The following TMEM132D variants were observed in gnomAD, a reference collection of about 807,000 sequenced individuals.
TMEM132D encodes the protein mature OL transmembrane protein.
Under a neutral mutation model 62.3 loss-of-function variants are expected in TMEM132D, and 21 were observed. That is an observed-to-expected ratio of 0.34 (90% CI 0.24 to 0.49). TMEM132D has a LOEUF of 0.49. TMEM132D is among the 20% of genes least tolerant of loss of function. The pLI is 0.99. For missense variants in TMEM132D, 1,346 were observed against 1,402.8 expected, an observed-to-expected ratio of 0.96 and a Z score of 0.65; for synonymous variants, 621 against 575.6, an observed-to-expected ratio of 1.08 and a Z score of -1.13.
chr12:129,684,524 C>T (rs1407806796), intron 2 of TMEM132D, among the ~76,000 whole-genome samples: 1 of 151,628 alleles, frequency 6.6e-6, no homozygotes, highest in African/African-American at 2.4e-5. Context: ...TGAGAATGGA[C>T]TAATAGAATA....
chr12:129,349,209 T>G (rs1052362530), intron 3 of TMEM132D, among the ~76,000 whole-genome samples: 1 of 152,186 alleles, frequency 6.6e-6, no homozygotes, highest in African/African-American at 2.4e-5. Context: ...AACCAGGCTT[T>G]GTTGCTAGAT....
At chr12:129,402,197 A>G (rs1191615650) in intron 3 of TMEM132D, among the ~76,000 whole-genome samples, 3 of 152,122 alleles carry the variant, frequency 2.0e-5, no homozygotes, top group African/African-American at 7.2e-5. Context: ...TGGCAGAGAG[A>G]AAGACGGGGA....
chr12:129,469,230 G>A (rs1030996597), intron 3 of TMEM132D, among the ~76,000 whole-genome samples: 1 of 152,124 alleles, frequency 6.6e-6, no homozygotes, highest in Non-Finnish European at 1.5e-5. Context: ...CTCACTCCTC[G>A]AATCAAGAGA....
At chr12:129,127,166 T>C (rs1876238171) in intron 5 of TMEM132D, among the ~76,000 whole-genome samples, 1 of 152,248 alleles carries the variant, frequency 6.6e-6, no homozygotes. Flanking sequence ...TGACACTACA[T>C]GTGCCAAAGC....
chr12:129,227,703 C>T (rs1879519275), intron 4 of TMEM132D, among the ~76,000 whole-genome samples: 1 of 151,882 alleles, frequency 6.6e-6, no homozygotes, highest in Admixed American at 6.6e-5. Flanking sequence ...CACCCATTAA[C>T]TCATCATTTA....
chr12:129,490,092 C>G (rs1415196294), intron 3 of TMEM132D, among the ~76,000 whole-genome samples: 1 of 152,222 alleles, frequency 6.6e-6, no homozygotes, highest in African/African-American at 2.4e-5. Flanking sequence ...CATGTCATCA[C>G]AGCTAATGGA....
At chr12:129,820,395 C>T (rs1872512394) in intron 1 of TMEM132D, among the ~76,000 whole-genome samples, 1 of 152,140 alleles carries the variant, frequency 6.6e-6, no homozygotes, top group Admixed American at 6.5e-5. Flanking sequence ...CGTGGTTATT[C>T]GAGTCTGGCA....
intron 2 of TMEM132D, among the ~76,000 whole-genome samples, chr12:129,647,200 A>G (rs1400758403): frequency 8.8e-5 from 13 of 148,058 alleles, no homozygotes; most frequent in East Asian, 2.0e-4. Flanking sequence ...TTGTCATAAC[A>G]TATTTCTGCA....
chr12:129,357,654 G>C (rs973223626), intron 3 of TMEM132D, among the ~76,000 whole-genome samples: 4 of 151,076 alleles, frequency 2.6e-5, no homozygotes, highest in African/African-American at 9.7e-5. Context: ...ATTTCAGATC[G>C]AAAGAAAGAG....
intron 3 of TMEM132D, among the ~76,000 whole-genome samples, chr12:129,501,479 A>AT (rs1250625749): frequency 6.6e-6 from 1 of 152,166 alleles, no homozygotes; most frequent in Non-Finnish European, 1.5e-5. Context: ...GGGAACAATT[A>AT]TTAAAAGTTA....
chr12:129,160,021 A>G (rs1321404112), intron 5 of TMEM132D, among the ~76,000 whole-genome samples: 1 of 152,186 alleles, frequency 6.6e-6, no homozygotes, highest in Non-Finnish European at 1.5e-5. Context: ...GCATGGAGCA[A>G]GGATGAAACA....
At chr12:129,675,196 T>TA (rs1293268987) in intron 2 of TMEM132D, among the ~76,000 whole-genome samples, 1 of 152,020 alleles carries the variant, frequency 6.6e-6, no homozygotes, top group Non-Finnish European at 1.5e-5. Context: ...ACTGCAGCCA[T>TA]AAAAAAATGA....
chr12:129,772,947 A>G (rs573461848), intron 1 of TMEM132D, among the ~76,000 whole-genome samples: 2 of 152,336 alleles, frequency 1.3e-5, no homozygotes, highest in Non-Finnish European at 2.9e-5. Flanking sequence ...CGCAAGATTC[A>G]TTGCTGTACC....
chr12:129,780,352 G>A (rs11060551), intron 1 of TMEM132D, among the ~76,000 whole-genome samples: 21,051 of 151,798 alleles, frequency 0.14, 1,681 homozygotes, highest in East Asian at 0.27. Context: ...GGGGGGGCCG[G>A]GGGGGCACAA....
At chr12:129,730,089 G>T (rs988050077) in intron 1 of TMEM132D, among the ~76,000 whole-genome samples, 2 of 152,132 alleles carry the variant, frequency 1.3e-5, no homozygotes, top group Admixed American at 1.3e-4. Context: ...TGAATAAACA[G>T]CCTTGTTGCT....
intron 5 of TMEM132D, among the ~76,000 whole-genome samples, chr12:129,133,133 G>C (rs2135525968): frequency 6.6e-6 from 1 of 152,222 alleles, no homozygotes; most frequent in East Asian, 1.9e-4. Flanking sequence ...GCTTCCTGCT[G>C]TCCTTTCCCA....
At chr12:129,314,612 T>C (rs1425496219) in intron 4 of TMEM132D, among the ~76,000 whole-genome samples, 1 of 152,230 alleles carries the variant, frequency 6.6e-6, no homozygotes, top group African/African-American at 2.4e-5. Flanking sequence ...GGCTCTTTCT[T>C]GATTCCATAT....
chr12:129,398,595 T>C (rs1239541829), intron 3 of TMEM132D, among the ~76,000 whole-genome samples: 1 of 152,194 alleles, frequency 6.6e-6, no homozygotes, highest in East Asian at 1.9e-4. Flanking sequence ...GGGTTGGCTA[T>C]GCATGATGAG....
At chr12:129,425,406 C>CTT (rs5801854) in intron 3 of TMEM132D, among the ~76,000 whole-genome samples, 5,755 of 138,932 alleles carry the variant, frequency 0.041, 393 homozygotes, top group African/African-American at 0.14. Flanking sequence ...GATGCTTGCA[C>CTT]TTTTTTTTTT....
Sources: gnomAD v4.1 joint callset for allele counts (sites outside exome capture counted in the v4.1 genomes callset) on GRCh38, gnomAD v4.1.1 for gene constraint, MANE v1.5 for transcripts, NCBI Gene and HGNC (gene_info 2026-07-23, HGNC 2026-07-21) for gene names.